Variants in ABCA13 observed in about 807,000 individuals in gnomAD.
ABCA13 encodes ATP binding cassette subfamily A member 13, also known as ATP-binding cassette sub-family A member 13.
Under a neutral mutation model 478.7 loss-of-function variants are expected in ABCA13, and 476 were observed. The ratio of observed to expected loss-of-function variants is 0.99; its 90% confidence interval spans 0.92 to 1.07. ABCA13 has a LOEUF of 1.07. Among genes scored for constraint, ABCA13 ranks in the 50% least tolerant of loss-of-function variants. ABCA13 has a pLI of 0.00. For synonymous variants in ABCA13, 2,252 were observed against 2,158.9 expected, an observed-to-expected ratio of 1.04 and a Z score of -1.20; for missense variants, 6,060 against 5,910.6, an observed-to-expected ratio of 1.03 and a Z score of -0.83.
Position 48,278,086 on chromosome 7 carries a change from ATT to A in ABCA13, c.6900-6_6900-5del. ...AAATTAAAAGTATATATATATATAT[ATT>A]TACAGTTTTGTCCCAAAAGATAAAA... On this transcript the variant is annotated splice_polypyrimidine_tract_variant and splice_region_variant and intron_variant, in intron 17 of 61. Coordinates refer to ENST00000435803, the MANE Select transcript of ABCA13 (RefSeq NM_152701.5). The A allele has an allele frequency of 9.5e-7, 1 of 1,055,348 alleles. No individual in the cohort carries two copies. The highest frequency in any genetic ancestry group is 1.3e-6 in the Non-Finnish European group (1 of 783,792). The allele number at this position is 1,055,348 out of a possible 1,614,324, so 65.4% of individuals were successfully genotyped here.
intron 55 of ABCA13, among the ~76,000 whole-genome samples, chr7:48,548,477 A>G (rs1401928193): frequency 2.0e-5 from 3 of 151,604 alleles, no homozygotes; most frequent in Non-Finnish European, 4.4e-5. Context: ...CCAACATAAA[A>G]CCATATTTTC....
At chr7:48,513,051 C>A (rs993246954) in intron 51 of ABCA13, among the ~76,000 whole-genome samples, 3 of 152,188 alleles carry the variant, frequency 2.0e-5, no homozygotes, top group Admixed American at 6.5e-5. Context: ...TGACAACCTC[C>A]CCCGCCACTG....
At chr7:48,370,822 A>T (rs1812517988) in intron 32 of ABCA13, among the ~76,000 whole-genome samples, 2 of 152,186 alleles carry the variant, frequency 1.3e-5, no homozygotes, top group African/African-American at 4.8e-5. Flanking sequence ...ACGTCATGGA[A>T]CTGGAGAAAC....
At chr7:48,492,832 C>A (rs891392701) in intron 48 of ABCA13, among the ~76,000 whole-genome samples, 14 of 151,980 alleles carry the variant, frequency 9.2e-5, no homozygotes, top group African/African-American at 3.1e-4. Context: ...TCGAGACCAG[C>A]CTGGCCAACA....
chr7:48,269,109 T>C lies in ABCA13; in HGVS notation c.2120+15T>C. The C allele has an allele frequency of 7.3e-7, 1 of 1,373,280 alleles. No homozygotes were observed. Among genetic ancestry groups the C allele is most frequent in the Non-Finnish European group, 1.0e-6 (1 of 966,234 alleles). 85.1% of individuals were successfully genotyped at this position (1,373,280 alleles called of 1,614,324 possible). On this transcript the variant is annotated intron_variant, in intron 16 of 61. Transcript: ENST00000435803. ...TCCATATCCAGGTAAGTTATCAGAA[T>C]CCAACTTCTAGGTCTTGATTTAATT...
chr7:48,637,380 G>GAAAAAAAAAAAAA, intron 59 of ABCA13, among the ~76,000 whole-genome samples: 1 of 6,578 alleles, frequency 1.5e-4, no homozygotes, highest in Non-Finnish European at 2.8e-4. Flanking sequence ...TGTTCATAAA[G>GAAAAAAAAAAAAA]CAAAAAAAAA....
chr7:48,449,519 A>G (rs941296108), intron 42 of ABCA13, among the ~76,000 whole-genome samples: 1 of 152,224 alleles, frequency 6.6e-6, no homozygotes, highest in Non-Finnish European at 1.5e-5. Context: ...TGTTCAGTGT[A>G]TTCAGGGTTA....
chr7:48,320,595 A>C (rs1233772274), intron 27 of ABCA13, among the ~76,000 whole-genome samples: 4 of 151,474 alleles, frequency 2.6e-5, no homozygotes, highest in East Asian at 3.9e-4. Context: ...CCCTAGGCTG[A>C]TGAAAAATTG....
At chr7:48,453,756 G>C (rs762163507) in intron 42 of ABCA13, among the ~76,000 whole-genome samples, 1 of 152,124 alleles carries the variant, frequency 6.6e-6, no homozygotes, top group Admixed American at 6.5e-5. Flanking sequence ...CCTTGGTACC[G>C]ACTCTTTCCA....
At chr7:48,365,413 A>T (rs774900717) in intron 31 of ABCA13, among the ~76,000 whole-genome samples, 8 of 152,084 alleles carry the variant, frequency 5.3e-5, no homozygotes, top group Non-Finnish European at 1.2e-4. Context: ...GAAGCTTTTT[A>T]GCTTGATGTA....
chr7:48,455,376 A>C, intron 43 of ABCA13, 90 bp downstream of exon 43: 6 of 1,428,574 alleles, frequency 4.2e-6, no homozygotes, highest in Non-Finnish European at 5.6e-6. Context: ...ATTCTAGATA[A>C]AAACTGGAAA....
At chr7:48,383,890 G>A (rs573062084) in intron 35 of ABCA13, among the ~76,000 whole-genome samples, 1 of 152,248 alleles carries the variant, frequency 6.6e-6, no homozygotes, top group East Asian at 1.9e-4. Flanking sequence ...TGAAAGTACT[G>A]TTAATGGCTG....
chr7:48,385,717 G>T (rs1486601338), intron 35 of ABCA13, among the ~76,000 whole-genome samples: 3 of 152,000 alleles, frequency 2.0e-5, no homozygotes, highest in Non-Finnish European at 4.4e-5. Context: ...CTATCTTTAG[G>T]TCTTTGAGGA....
Position 48,313,111 on chromosome 7 carries a change from G to T in ABCA13, c.9561G>T (p.Leu3187=), listed in dbSNP as rs779901031. The part of the protein sequence containing the change: ...SEANGLLNSL[L]DIVSSLSALL... ...CAAATGGCTTGCTCAACTCCTTGCTGGATATAGTTTCCAGCCTCAGCGCCT... is the reference window on the plus strand; with the variant it reads ...CAAATGGCTTGCTCAACTCCTTGCTTGATATAGTTTCCAGCCTCAGCGCCT... The change falls in exon 25 of 62, where the codon CTG becomes CTT. Residue 3187 remains leucine (L), a synonymous_variant. Coordinates refer to ENST00000435803, the MANE Select transcript of ABCA13 (RefSeq NM_152701.5). 1.9e-6 allele frequency: 3 copies of T among 1,612,182 alleles called. No individual in the cohort carries two copies. The Admixed American group carries it at 5.0e-5, about 27-fold the overall frequency.
intron 59 of ABCA13, among the ~76,000 whole-genome samples, chr7:48,635,577 G>A (rs1794568704): frequency 6.6e-6 from 1 of 152,154 alleles, no homozygotes; most frequent in Non-Finnish European, 1.5e-5. Flanking sequence ...TAATGAGGTA[G>A]AGCTGGGTAA....
intron 28 of ABCA13, among the ~76,000 whole-genome samples, chr7:48,336,426 G>C (rs543014849): frequency 6.6e-6 from 1 of 152,320 alleles, no homozygotes; most frequent in South Asian, 2.1e-4. Flanking sequence ...TGGAAGCAAG[G>C]TTGTCAGTGG....
At chr7:48,268,534 T>A (rs936827040) in intron 15 of ABCA13, among the ~76,000 whole-genome samples, 2 of 152,202 alleles carry the variant, frequency 1.3e-5, no homozygotes, top group African/African-American at 4.8e-5. Flanking sequence ...TTATTACTCA[T>A]CTGAATACTC....
At chr7:48,618,170 C>A (rs558148332) in intron 59 of ABCA13, among the ~76,000 whole-genome samples, 22 of 152,246 alleles carry the variant, frequency 1.4e-4, no homozygotes, top group Non-Finnish European at 2.6e-4. Flanking sequence ...CTGCAGGTGG[C>A]ACTGTCTTTC....
At chr7:48,464,251 A>C (rs1413105577) in intron 43 of ABCA13, among the ~76,000 whole-genome samples, 1 of 152,254 alleles carries the variant, frequency 6.6e-6, no homozygotes, top group African/African-American at 2.4e-5. Flanking sequence ...TTGTGGTGAC[A>C]AAGATACTTT....
Sources: allele counts gnomAD v4.1 joint callset (sites outside exome capture counted in the v4.1 genomes callset), GRCh38; gene constraint gnomAD v4.1.1; transcripts MANE v1.5; gene names NCBI Gene and HGNC (gene_info 2026-07-23, HGNC 2026-07-21).